Variants in LUZP2 observed in about 807,000 individuals in gnomAD.
The protein encoded by LUZP2 is leucine zipper protein 2.
Under a neutral mutation model 51.6 loss-of-function variants are expected in LUZP2, and 52 were observed. The ratio of observed to expected loss-of-function variants is 1.01; its 90% CI spans 0.81 to 1.27. LUZP2 has a LOEUF of 1.27. Ranked by LOEUF, LUZP2 falls within the 50% of genes most tolerant of loss-of-function variation. The pLI, the probability that LUZP2 is intolerant of heterozygous loss-of-function variation, is 0.00. For synonymous variants in LUZP2, 154 were observed against 137.3 expected (o/e 1.12, Z -0.85); for missense variants, 436 against 395.4 (o/e 1.10, Z -0.87).
intron 1 of LUZP2, among the ~76,000 whole-genome samples, chr11:24,679,803 C>T (rs952483515): frequency 6.6e-6 from 1 of 152,150 alleles, no homozygotes; most frequent in African/African-American, 2.4e-5. Context: ...AGACTTCAAT[C>T]CTTAGTTCAG....
intron 5 of LUZP2, among the ~76,000 whole-genome samples, chr11:24,861,274 A>G (rs1377790797): frequency 6.6e-6 from 1 of 152,196 alleles, no homozygotes; most frequent in East Asian, 1.9e-4. Context: ...AAAAGGAATG[A>G]ACAAAGCCTT....
intron 7 of LUZP2, among the ~76,000 whole-genome samples, chr11:24,951,264 C>G (rs902742410): frequency 6.6e-6 from 1 of 151,468 alleles, no homozygotes; most frequent in African/African-American, 2.4e-5. Flanking sequence ...CTCTTGCCCT[C>G]CTTGTTAAAT....
chr11:24,554,347 T>C (rs1851806079), intron 1 of LUZP2, among the ~76,000 whole-genome samples: 1 of 152,178 alleles, frequency 6.6e-6, no homozygotes, highest in South Asian at 2.1e-4. Flanking sequence ...TTATTAAATG[T>C]ATTTGGCATG....
At chr11:25,045,606 A>G (rs1016973134) in intron 9 of LUZP2, among the ~76,000 whole-genome samples, 2 of 152,120 alleles carry the variant, frequency 1.3e-5, no homozygotes, top group Non-Finnish European at 1.5e-5. Flanking sequence ...TATTTGCATG[A>G]GAAAACATAA....
chr11:24,936,179 G>A (rs905077108), intron 7 of LUZP2, among the ~76,000 whole-genome samples: 24 of 152,054 alleles, frequency 1.6e-4, no homozygotes, highest in Non-Finnish European at 2.6e-4. Context: ...AAATTTTATA[G>A]TTTATGAAAA....
At chr11:24,751,952 C>A (rs955173823) in intron 4 of LUZP2, among the ~76,000 whole-genome samples, 6 of 151,858 alleles carry the variant, frequency 4.0e-5, no homozygotes, top group Non-Finnish European at 5.9e-5. Context: ...TAACTGTAGA[C>A]AATAGCCAGT....
intron 9 of LUZP2, among the ~76,000 whole-genome samples, chr11:24,986,447 A>C (rs2133919648): frequency 6.6e-6 from 1 of 151,486 alleles, no homozygotes. Context: ...ATGTTATCAG[A>C]TTGAAATTGG....
chr11:24,763,444 T>C (rs534900093), intron 5 of LUZP2, 136 bp downstream of exon 5: 3 of 387,068 alleles, frequency 7.8e-6, no homozygotes, highest in African/African-American at 4.2e-5. Context: ...TGTAGAGAAA[T>C]TGTAAGGTGA....
chr11:25,058,902 A>C (rs1238180472), intron 10 of LUZP2, among the ~76,000 whole-genome samples: 1 of 152,200 alleles, frequency 6.6e-6, no homozygotes, highest in Non-Finnish European at 1.5e-5. Flanking sequence ...AAATGTGAAA[A>C]ATCAATTTCC....
intron 5 of LUZP2, among the ~76,000 whole-genome samples, chr11:24,807,526 G>A (rs567015634): frequency 2.0e-4 from 31 of 151,954 alleles, no homozygotes; most frequent in Middle Eastern, 3.4e-3. Context: ...AGCACAGGAG[G>A]CTACAGAAAT....
At position 25,016,700 on chromosome 11, in the gene LUZP2, A is replaced by G. The variant is rs575348986; in HGVS notation, c.766-33338A>G. Among the ~76,000 whole-genome samples, 27 of 152,206 alleles carry G rather than the reference A, an allele frequency of 1.8e-4. No individual in the cohort carries two copies. In the South Asian group the frequency reaches 2.1e-3, roughly 12 times the overall value. ...TGATGTTCACTTAGTTTGGTTTCAT[A>G]GCTTTGGAATTGTAAATTGTGCTGC... is the stretch of plus-strand genomic sequence containing the variant. On this transcript the variant is annotated intron_variant, in intron 9 of 11. Transcript: ENST00000336930.
Position 24,867,513 on chromosome 11 carries a change from T to C in LUZP2, c.397-38478T>C, listed in dbSNP as rs370605469. ...TGCTGCAGTTGACCTACCCTTGCCA[T>C]TGATGTTTATTTTAGGTGTGGCTTC... On this transcript the variant is annotated intron_variant, in intron 5 of 11. Coordinates refer to ENST00000336930, the MANE Select transcript of LUZP2 (RefSeq NM_001009909.4). Among the ~76,000 whole-genome samples the C allele has an allele frequency of 5.9e-5, 9 of 152,228 alleles. No homozygotes were observed. In the East Asian group the frequency reaches 1.5e-3, roughly 26 times the overall value.
rs75294749 is a variant in LUZP2, at chr11:25,008,269, A to G, written c.765+24976A>G. Among the ~76,000 whole-genome samples, 1,003 of 152,332 alleles carry G rather than the reference A, an allele frequency of 6.6e-3. 30 individuals carry two copies. In the East Asian group the frequency reaches 0.093, roughly 14 times the overall value. On this transcript the variant is annotated intron_variant, in intron 9 of 11. Transcript: ENST00000336930. ...CTGGAGGAGGTTTTCATGTTGGTCA[A>G]TGGTGGGTAGATGAGGGAAAAGTGG...
In LUZP2 at chr11:25,064,467, AT is replaced by A. The variant is rs139562223; in HGVS notation, c.859-12858del. On this transcript the variant is annotated intron_variant, in intron 10 of 11. Transcript: ENST00000336930. ...TAAACTTCTTTTTTTAACTATTCAAATTTTCAGCAACTTCTCATGTAGACTT... is the reference window on the plus strand; with the variant it reads ...TAAACTTCTTTTTTTAACTATTCAAATTTCAGCAACTTCTCATGTAGACTT... Among the ~76,000 whole-genome samples, 1,052 of 152,114 alleles carry A rather than the reference AT, an allele frequency of 6.9e-3. 34 individuals are homozygous for A. The East Asian group carries it at 0.099, about 14-fold the overall frequency.
At chr11:24,616,868 C>T (rs992785576) in intron 1 of LUZP2, among the ~76,000 whole-genome samples, 2 of 152,108 alleles carry the variant, frequency 1.3e-5, no homozygotes, top group African/African-American at 2.4e-5. Context: ...ATCTGTATAT[C>T]AAGTTGGAGA....
intron 1 of LUZP2, among the ~76,000 whole-genome samples, chr11:24,606,121 C>CAT (rs144452990): frequency 0.017 from 2,595 of 151,380 alleles, 74 homozygotes; most frequent in East Asian, 0.12. Flanking sequence ...CATATGTATA[C>CAT]ATATATATAT....
chr11:24,713,008 G>C (rs1197854826), intron 1 of LUZP2, among the ~76,000 whole-genome samples: 1 of 152,156 alleles, frequency 6.6e-6, no homozygotes, highest in Non-Finnish European at 1.5e-5. Context: ...CCCCAGAAGA[G>C]ACTTTTCTAG....
chr11:25,024,730 T>G (rs1467245285), intron 9 of LUZP2, among the ~76,000 whole-genome samples: 2 of 151,444 alleles, frequency 1.3e-5, no homozygotes, highest in African/African-American at 2.4e-5. Context: ...CCAAGGTAAT[T>G]TATAGATTCA....
chr11:24,879,182 G>A (rs2403991), intron 5 of LUZP2, among the ~76,000 whole-genome samples: 73,800 of 151,756 alleles, frequency 0.49, 18,412 homozygotes, highest in East Asian at 0.69. Context: ...CTGACCTCGT[G>A]ATCCACCCGC....
Sources: gnomAD v4.1 joint callset for allele counts (sites outside exome capture counted in the v4.1 genomes callset) on GRCh38, gnomAD v4.1.1 for gene constraint, MANE v1.5 for transcripts, NCBI Gene and HGNC (gene_info 2026-07-23, HGNC 2026-07-21) for gene names.